Variants in GOLGA4 observed in about 807,000 individuals in gnomAD.
The protein encoded by GOLGA4 is golgin subfamily A member 4.
In GOLGA4, 169 loss-of-function variants were observed where a neutral mutation model predicts 265.9. The ratio of observed to expected loss-of-function variants is 0.64; its 90% CI spans 0.56 to 0.72. The LOEUF (loss-of-function observed/expected upper bound fraction) is 0.72, where lower values mean the gene tolerates loss of function less well. Ranked by LOEUF, GOLGA4 falls within the 30% of genes least tolerant of loss-of-function variation. The pLI is 0.00. For missense variants in GOLGA4, 2,482 were observed against 2,483.4 expected (o/e 1.00, Z 0.01); for synonymous variants, 923 against 855.8 (o/e 1.08, Z -1.37).
Position 37,268,711 on chromosome 3 carries a change from A to G in GOLGA4, c.163-13247A>G, listed in dbSNP as rs541296344. 7.9e-5 allele frequency among the ~76,000 whole-genome samples: 12 copies of G among 152,234 alleles called. No homozygotes were observed. The East Asian group carries it at 2.3e-3, about 29-fold the overall frequency. Reference sequence around the variant, plus strand: ...TTCAGCCTCCCAAGTAGCTGGGACCACAGATGCGCACCACCATACCTGGCT... The same window carrying G: ...TTCAGCCTCCCAAGTAGCTGGGACCGCAGATGCGCACCACCATACCTGGCT... On this transcript the variant is annotated intron_variant, in intron 2 of 23. Coordinates refer to ENST00000361924, the MANE Select transcript of GOLGA4 (RefSeq NM_002078.5).
At chr3:37,268,394 T>C (rs2096789261) in intron 2 of GOLGA4, among the ~76,000 whole-genome samples, 1 of 151,990 alleles carries the variant, frequency 6.6e-6, no homozygotes, top group Non-Finnish European at 1.5e-5. Context: ...CAATTTACTT[T>C]GAAAAGCATA....
At chr3:37,278,199 CTTTT>C (rs1578465688) in intron 2 of GOLGA4, among the ~76,000 whole-genome samples, 1 of 148,952 alleles carries the variant, frequency 6.7e-6, no homozygotes, top group East Asian at 2.0e-4. Context: ...TGCATATTTT[CTTTT>C]CTTTTTTTTT....
intron 20 of GOLGA4, among the ~76,000 whole-genome samples, chr3:37,345,602 T>C (rs1481358105): frequency 6.6e-6 from 1 of 152,182 alleles, no homozygotes; most frequent in Non-Finnish European, 1.5e-5. Flanking sequence ...AAATAAGAGC[T>C]ATAAAGTCTT....
intron 2 of GOLGA4, among the ~76,000 whole-genome samples, chr3:37,274,542 A>C (rs1311665697): frequency 6.6e-6 from 1 of 152,052 alleles, no homozygotes; most frequent in Admixed American, 6.5e-5. Context: ...AAAAATACAA[A>C]AATTAGCTGG....
chr3:37,322,723 C>G (rs1322931349), intron 13 of GOLGA4, among the ~76,000 whole-genome samples: 1 of 152,020 alleles, frequency 6.6e-6, no homozygotes, highest in Non-Finnish European at 1.5e-5. Flanking sequence ...CTTTCCAGCT[C>G]TGACATTCTG....
intron 2 of GOLGA4, among the ~76,000 whole-genome samples, chr3:37,265,607 A>G (rs2096781589): frequency 6.6e-6 from 1 of 152,108 alleles, no homozygotes; most frequent in Non-Finnish European, 1.5e-5. Context: ...ATACAATTTG[A>G]TGAATTTGGT....
At chr3:37,353,504 T>A (rs1280933511) in intron 21 of GOLGA4, among the ~76,000 whole-genome samples, 1 of 152,090 alleles carries the variant, frequency 6.6e-6, no homozygotes, top group Admixed American at 6.6e-5. Context: ...GTAAAATGCC[T>A]TTGGAATTTT....
chr3:37,271,768 C>T lies in GOLGA4; in HGVS notation c.163-10190C>T, dbSNP rs116382174. On this transcript the variant is annotated intron_variant, in intron 2 of 23. Coordinates refer to ENST00000361924, the MANE Select transcript of GOLGA4 (RefSeq NM_002078.5). Reference sequence around the variant, plus strand: ...GCTTCCCAACCTCCAGGCACAGGTCCGTGGCCCTTTAGGAACTGGGCTGCA... The same window carrying T: ...GCTTCCCAACCTCCAGGCACAGGTCTGTGGCCCTTTAGGAACTGGGCTGCA... Among the ~76,000 whole-genome samples, 1,462 of 152,274 alleles carry T rather than the reference C, an allele frequency of 9.6e-3. 36 individuals are homozygous for T. Among genetic ancestry groups the T allele is most frequent in the African/African-American group, 0.033 (1,364 of 41,534 alleles).
intron 1 of GOLGA4, among the ~76,000 whole-genome samples, chr3:37,247,246 G>A (rs576366150): frequency 3.9e-5 from 6 of 152,314 alleles, no homozygotes; most frequent in African/African-American, 1.4e-4. Context: ...GGATTCAATG[G>A]CTGTGTCTCT....
chr3:37,271,054 A>G (rs1381799002), intron 2 of GOLGA4, among the ~76,000 whole-genome samples: 2 of 152,026 alleles, frequency 1.3e-5, no homozygotes, highest in Admixed American at 6.6e-5. Flanking sequence ...CAGAGTTCGC[A>G]CTTCTATGAA....
At chr3:37,298,794 C>G (rs1473125160) in intron 7 of GOLGA4, 39 bp from the exon 8 acceptor site, 8 of 1,404,794 alleles carry the variant, frequency 5.7e-6, no homozygotes, top group Non-Finnish European at 7.8e-6. Context: ...GTTTCATATT[C>G]CTTACTGATG....
At chr3:37,253,128 A>T (rs535355970) in intron 2 of GOLGA4, among the ~76,000 whole-genome samples, 1 of 152,090 alleles carries the variant, frequency 6.6e-6, no homozygotes, top group South Asian at 2.1e-4. Context: ...GGTGGCATGC[A>T]CCTGTGTGGT....
intron 10 of GOLGA4, among the ~76,000 whole-genome samples, chr3:37,306,516 T>A: frequency 6.6e-6 from 1 of 151,158 alleles, no homozygotes; most frequent in Admixed American, 6.6e-5. Flanking sequence ...TGTGTGTGTG[T>A]GTGTGTGTGT....
intron 2 of GOLGA4, among the ~76,000 whole-genome samples, chr3:37,261,932 G>A (rs1037908953): frequency 3.9e-5 from 6 of 152,080 alleles, no homozygotes; most frequent in East Asian, 1.9e-4. Context: ...GGAGGGATGA[G>A]CACAGAAGGA....
chr3:37,291,370 C>G (rs1408033906), intron 5 of GOLGA4, among the ~76,000 whole-genome samples: 1 of 152,150 alleles, frequency 6.6e-6, no homozygotes, highest in Non-Finnish European at 1.5e-5. Context: ...AACACATCTA[C>G]TTTACTCATA....
chr3:37,264,206 A>G (rs932020325), intron 2 of GOLGA4, among the ~76,000 whole-genome samples: 1 of 152,198 alleles, frequency 6.6e-6, no homozygotes, highest in Non-Finnish European at 1.5e-5. Context: ...ATTATTTTCT[A>G]ATGTGGGCAA....
chr3:37,308,202 C>G (rs997941276), intron 10 of GOLGA4, among the ~76,000 whole-genome samples: 8 of 150,652 alleles, frequency 5.3e-5, no homozygotes, highest in African/African-American at 1.7e-4. Context: ...CATTGCACTC[C>G]AGCCTGGGCG....
In GOLGA4 at chr3:37,327,668, C is replaced by A; in HGVS notation, c.5782C>A (p.Leu1928Met). 6.2e-7 allele frequency: 1 copy of A among 1,613,924 alleles called. No homozygotes were observed. The highest frequency in any genetic ancestry group is 8.5e-7 in the Non-Finnish European group (1 of 1,179,886). Residue 1928 changes from leucine to methionine, a missense_variant, in exon 14 of 24, where the codon CTG becomes ATG. Coordinates refer to ENST00000361924, the MANE Select transcript of GOLGA4 (RefSeq NM_002078.5). ...LSNMEAQHND[L>M]EFKLAGAERE... ...TAACATGGAAGCCCAGCACAATGAT[C>A]TGGAGTTTAAATTAGCCGGGGCAGA...
At chr3:37,347,454 G>A (rs1032826136) in intron 21 of GOLGA4, among the ~76,000 whole-genome samples, 158 bp downstream of exon 21, 1 of 152,120 alleles carries the variant, frequency 6.6e-6, no homozygotes, top group Non-Finnish European at 1.5e-5. Context: ...AGTTTACAAA[G>A]TGAATTGGTG....
Sources: allele counts gnomAD v4.1 joint callset (sites outside exome capture counted in the v4.1 genomes callset), GRCh38; gene constraint gnomAD v4.1.1; transcripts MANE v1.5; gene names NCBI Gene and HGNC (gene_info 2026-07-23, HGNC 2026-07-21).